Variants in RTCA observed in about 807,000 individuals in gnomAD.
RTCA encodes RNA 3'-terminal phosphate cyclase.
Under a neutral mutation model 46.1 loss-of-function variants are expected in RTCA, and 37 were observed. That is an observed-to-expected ratio of 0.80 (90% confidence interval 0.62 to 1.06). The LOEUF (loss-of-function observed/expected upper bound fraction) is 1.06. Ranked by LOEUF, RTCA falls within the 50% of genes least tolerant of loss-of-function variation. RTCA has a pLI of 0.00. For missense variants in RTCA, 435 were observed against 455.5 expected (o/e 0.95, Z 0.41); for synonymous variants, 164 against 158.3 (o/e 1.04, Z -0.27).
intron 10 of RTCA, among the ~76,000 whole-genome samples, chr1:100,290,288 A>G (rs916259687): frequency 7.2e-5 from 11 of 151,748 alleles, no homozygotes; most frequent in African/African-American, 2.7e-4. Flanking sequence ...TAAGACGTTG[A>G]TGGGAGTTGT....
Position 100,285,290 on chromosome 1 carries a change from G to T in RTCA, c.862G>T (p.Gly288Cys). The T allele has an allele frequency of 6.2e-7, 1 of 1,613,742 alleles. No individual in the cohort carries two copies. Among genetic ancestry groups the T allele is most frequent in the Non-Finnish European group, 8.5e-7 (1 of 1,179,782 alleles). ...AEMLLANLRH[G>C]GTVDEYLQDQ... ...AATGCTATTAGCAAATCTTAGACATGGTGGTACTGTGGATGAGTATCTGCA... is the reference window on the plus strand; with the variant it reads ...AATGCTATTAGCAAATCTTAGACATTGTGGTACTGTGGATGAGTATCTGCA... The change falls in exon 9 of 11, where the codon GGT (glycine) becomes TGT (cysteine). Residue 288 changes from glycine (G) to cysteine (C), a missense_variant. Physicochemically the swap from Gly to Cys is radical, Grantham distance 159. Transcript: ENST00000370128.
At chr1:100,286,501 G>A (rs976983549) in intron 9 of RTCA, among the ~76,000 whole-genome samples, 10 of 148,722 alleles carry the variant, frequency 6.7e-5, no homozygotes, top group South Asian at 2.1e-4. Flanking sequence ...AACTTAGCAC[G>A]TTCACTCACA....
In RTCA at chr1:100,283,077, G is replaced by A. The variant is rs142561914; in HGVS notation, c.800-2151G>A. On this transcript the variant is annotated intron_variant, in intron 8 of 10. Coordinates refer to ENST00000370128, the MANE Select transcript of RTCA (RefSeq NM_003729.4). ...CTCCCAAAATGCTGGGATTACAGGCGTGAGCCACTGTGCTTAGCTGAATTT... is the reference window on the plus strand; with the variant it reads ...CTCCCAAAATGCTGGGATTACAGGCATGAGCCACTGTGCTTAGCTGAATTT... Among the ~76,000 whole-genome samples the A allele has an allele frequency of 8.3e-3, 1,264 of 151,674 alleles. 17 individuals are homozygous for A. Among genetic ancestry groups the A allele is most frequent in the South Asian group, 0.031 (150 of 4,798 alleles).
intron 10 of RTCA, among the ~76,000 whole-genome samples, chr1:100,288,786 C>T (rs901496608): frequency 6.6e-6 from 1 of 152,044 alleles, no homozygotes; most frequent in African/African-American, 2.4e-5. Context: ...ACCACTGTTG[C>T]TGCCCTACTC....
intron 7 of RTCA, among the ~76,000 whole-genome samples, chr1:100,276,789 A>C (rs575502566): frequency 6.6e-6 from 1 of 152,362 alleles, no homozygotes; most frequent in Admixed American, 6.5e-5. Context: ...ATTTTTGGAT[A>C]TTTAAGTTCC....
At chr1:100,291,049 G>A (rs1667325519) in intron 10 of RTCA, among the ~76,000 whole-genome samples, 1 of 152,014 alleles carries the variant, frequency 6.6e-6, no homozygotes, top group Non-Finnish European at 1.5e-5. Context: ...AAAATTTTAG[G>A]GCATAGGGAA....
chr1:100,287,069 T>G, intron 9 of RTCA, 30 bp from the exon 10 acceptor site: 1 of 1,420,636 alleles, frequency 7.0e-7, no homozygotes, highest in South Asian at 1.3e-5. Context: ...AATAAATGTG[T>G]GAGGTTTTTC....
At position 100,287,086 on chromosome 1, in the gene RTCA, C is replaced by T; in HGVS notation, c.895-13C>T. ...TAAATGTGTGAGGTTTTTCTTTGTT[C>T]TTTTTTAAATAGCTGATTGTTTTCA... On this transcript the variant is annotated splice_polypyrimidine_tract_variant and intron_variant, in intron 9 of 10. Transcript: ENST00000370128. 2.6e-6 allele frequency: 4 copies of T among 1,520,270 alleles called. No homozygotes were observed. The highest frequency in any genetic ancestry group is 2.6e-6 in the Non-Finnish European group (3 of 1,135,552). 94.2% of individuals were successfully genotyped at this position (1,520,270 alleles called of 1,614,324 possible).
At chr1:100,277,918 TC>T (rs1666490188) in intron 8 of RTCA, among the ~76,000 whole-genome samples, 1 of 152,210 alleles carries the variant, frequency 6.6e-6, no homozygotes, top group East Asian at 1.9e-4. Context: ...TTTTTAAGAG[TC>T]CAGGCCATTT....
intron 8 of RTCA, among the ~76,000 whole-genome samples, chr1:100,284,529 G>C (rs909574242): frequency 2.0e-5 from 3 of 152,014 alleles, no homozygotes; most frequent in Admixed American, 2.0e-4. Context: ...GAGCAGCTGG[G>C]ATTACAGGCA....
chr1:100,275,770 G>A, intron 7 of RTCA, 47 bp downstream of exon 7: 1 of 1,479,814 alleles, frequency 6.8e-7, no homozygotes, highest in East Asian at 2.4e-5. Context: ...CCCTAAAATA[G>A]TTATCTAATT....
intron 3 of RTCA, among the ~76,000 whole-genome samples, chr1:100,269,243 A>G (rs1027721367): frequency 6.6e-6 from 1 of 152,078 alleles, no homozygotes; most frequent in Non-Finnish European, 1.5e-5. Flanking sequence ...TATGAAATTC[A>G]TCATGTTACA....
chr1:100,275,677 G>A lies in RTCA; in HGVS notation c.694G>A (p.Val232Ile), dbSNP rs746095841. 1.1e-5 allele frequency: 17 copies of A among 1,611,840 alleles called. No individual in the cohort carries two copies. The South Asian group carries it at 1.7e-4, about 16-fold the overall frequency. ...GGATTTGTATGTTAACATCCAGCCT[G>A]TTCAAGAACCTAAAGACCAAGCATT... ...IRDLYVNIQP[V>I]QEPKDQAFGN... The change falls in exon 7 of 11, where the codon GTT becomes ATT. Residue 232 changes from valine to isoleucine, a missense_variant. Physicochemically the swap from Val to Ile is conservative, Grantham distance 29. Coordinates refer to ENST00000370128, the MANE Select transcript of RTCA (RefSeq NM_003729.4).
chr1:100,283,837 T>C (rs999931207), intron 8 of RTCA, among the ~76,000 whole-genome samples: 2 of 147,150 alleles, frequency 1.4e-5, no homozygotes, highest in African/African-American at 5.0e-5. Flanking sequence ...CCTGGAATTC[T>C]AACACTTTGG....
At chr1:100,291,288 T>C (rs1415377042) in intron 10 of RTCA, 115 bp from the exon 11 acceptor site, 7 of 630,730 alleles carry the variant, frequency 1.1e-5, no homozygotes, top group Non-Finnish European at 2.0e-5. Context: ...TGTGTCTCTG[T>C]AGGTTTTTCA....
intron 8 of RTCA, among the ~76,000 whole-genome samples, chr1:100,281,733 T>C (rs555252588): frequency 2.6e-5 from 4 of 152,130 alleles, no homozygotes; most frequent in South Asian, 2.1e-4. Flanking sequence ...TTTTTTTTTT[T>C]CGAGACGGAA....
intron 10 of RTCA, among the ~76,000 whole-genome samples, chr1:100,289,546 T>A (rs1174047305): frequency 1.3e-5 from 2 of 152,216 alleles, no homozygotes; most frequent in East Asian, 1.9e-4. Flanking sequence ...TTGTATTTGA[T>A]GTCAAGAGTG....
At chr1:100,283,935 G>GA (rs763030720) in intron 8 of RTCA, among the ~76,000 whole-genome samples, 3,486 of 55,068 alleles carry the variant, frequency 0.063, 159 homozygotes, top group African/African-American at 0.12. Flanking sequence ...AAAAAAAAAA[G>GA]AAAAAAAAAA....
At chr1:100,276,113 G>A (rs1666360591) in intron 7 of RTCA, among the ~76,000 whole-genome samples, 1 of 152,046 alleles carries the variant, frequency 6.6e-6, no homozygotes, top group Non-Finnish European at 1.5e-5. Context: ...GGGATTACAG[G>A]CATGAGCCAC....
Sources: gnomAD v4.1 joint callset for allele counts (sites outside exome capture counted in the v4.1 genomes callset) on GRCh38, gnomAD v4.1.1 for gene constraint, MANE v1.5 for transcripts, NCBI Gene and HGNC (gene_info 2026-07-23, HGNC 2026-07-21) for gene names.